The following RNMT variants were observed in gnomAD, a reference collection of about 807,000 sequenced individuals.
RNMT encodes the protein RNA guanine-7 methyltransferase.
In RNMT, 27 loss-of-function variants were observed where a neutral mutation model predicts 56.0. That is an observed-to-expected ratio of 0.48 (90% CI 0.36 to 0.67). RNMT has a LOEUF of 0.67. Among genes scored for constraint, RNMT ranks in the 30% least tolerant of loss-of-function variants. The pLI is 0.00. For synonymous variants in RNMT, 184 were observed against 176.2 expected (o/e 1.04, Z -0.35); for missense variants, 519 against 552.1 (o/e 0.94, Z 0.60).
In RNMT at chr18:13,760,067, T is replaced by C. The variant is rs1325665264; in HGVS notation, c.*88T>C. The C allele has an allele frequency of 3.9e-6, 6 of 1,537,228 alleles. No individual in the cohort carries two copies. The highest frequency in any genetic ancestry group is 4.4e-6 in the Non-Finnish European group (5 of 1,138,038). On this transcript the variant is annotated 3_prime_UTR_variant, in exon 12 of 12. Transcript: ENST00000383314. The stretch of plus-strand genomic sequence containing the variant: ...TCGATATATTTGATATTTCTCTGTC[T>C]GTTGATTTTAATTCTAAATGTGCAG...
rs2044638344 is a variant in RNMT at position 13,763,013 on chromosome 18, A to G, written c.*3034A>G. On this transcript the variant is annotated 3_prime_UTR_variant, in exon 12 of 12. Transcript: ENST00000383314. ...GCATTTGGGTTATCTCAAGCCAGTCACCACAGAGGGTCTCTAGGGTCTGCA... is the reference window on the plus strand; with the variant it reads ...GCATTTGGGTTATCTCAAGCCAGTCGCCACAGAGGGTCTCTAGGGTCTGCA... 1 of 449,780 alleles carries G rather than the reference A, an allele frequency of 2.2e-6. No homozygotes were observed. The highest frequency in any genetic ancestry group is 2.4e-5 in the Admixed American group (1 of 41,390). The allele number at this position is 449,780 out of a possible 1,614,324, so 27.9% of individuals were successfully genotyped here.
intron 1 of RNMT, among the ~76,000 whole-genome samples, chr18:13,727,204 G>T (rs948516238): frequency 2.0e-5 from 3 of 152,358 alleles, no homozygotes; most frequent in Middle Eastern, 3.4e-3. Context: ...AGCTTATCCC[G>T]CTTGGGCTTT....
Position 13,740,180 on chromosome 18 carries a change from T to A in RNMT, c.693T>A (p.Val231=), listed in dbSNP as rs770110359. The change falls in exon 6 of 12, where the codon GTT becomes GTA. Residue 231 remains valine, a synonymous_variant. Coordinates refer to ENST00000383314, the MANE Select transcript of RNMT (RefSeq NM_003799.3). ...NKLVCTDIAD[V]SVKQCQQRYE... is the part of the protein sequence containing the mutation. Reference sequence around the variant, plus strand: ...CCATCCTTCCAGATATTGCCGATGTTTCTGTCAAACAGTGTCAGCAGCGGT... The same window carrying A: ...CCATCCTTCCAGATATTGCCGATGTATCTGTCAAACAGTGTCAGCAGCGGT... The A allele has an allele frequency of 6.2e-7, 1 of 1,608,650 alleles. No individual in the cohort carries two copies. Among genetic ancestry groups the A allele is most frequent in the African/African-American group, 1.3e-5 (1 of 74,794 alleles).
rs1298020622 is a variant in RNMT, at chr18:13,760,515, T to TA, written c.*540dup. 7.1e-6 allele frequency: 7 copies of TA among 985,432 alleles called. No homozygotes were observed. Among genetic ancestry groups the TA allele is most frequent in the Non-Finnish European group, 8.4e-6 (7 of 829,612 alleles). The allele number at this position is 985,432 out of a possible 1,614,324, so 61.0% of individuals were successfully genotyped here. A position where few individuals can be genotyped will look rare whatever the true frequency, so the allele number is the denominator to read the frequency against. On this transcript the variant is annotated 3_prime_UTR_variant, in exon 12 of 12. Transcript: ENST00000383314. ...CAGATGCTCATAAAAGTTACTTAGC[T>TA]AAAATTTTAGCAATTTATTGCATTT... is the stretch of plus-strand genomic sequence containing the variant.
At position 13,760,712 on chromosome 18, in the gene RNMT, T is replaced by G; in HGVS notation, c.*733T>G. The stretch of plus-strand genomic sequence containing the variant: ...CATTTACCTTTCTTCATTGAACAAA[T>G]GGTGCCATAGTTATTTTTCTCAAAA... On this transcript the variant is annotated 3_prime_UTR_variant, in exon 12 of 12. Coordinates refer to ENST00000383314, the MANE Select transcript of RNMT (RefSeq NM_003799.3). The G allele has an allele frequency of 1.0e-6, 1 of 985,384 alleles. No individual in the cohort carries two copies. The highest frequency in any genetic ancestry group is 1.2e-6 in the Non-Finnish European group (1 of 829,848). The allele number at this position is 985,384 out of a possible 1,614,324, so 61.0% of individuals were successfully genotyped here.
At chr18:13,733,835 GTT>G (rs2044114879) in intron 3 of RNMT, among the ~76,000 whole-genome samples, 2 of 152,136 alleles carry the variant, frequency 1.3e-5, no homozygotes, top group South Asian at 4.1e-4. Context: ...AGAGTACTGG[GTT>G]TATTAAGACA....
intron 9 of RNMT, among the ~76,000 whole-genome samples, chr18:13,751,554 T>C (rs1242871477): frequency 2.0e-5 from 3 of 152,186 alleles, no homozygotes; most frequent in Non-Finnish European, 2.9e-5. Context: ...TGGAAGACAA[T>C]GTGGCGATTC....
chr18:13,734,405 G>A lies in RNMT; in HGVS notation c.418-59G>A. The A allele has an allele frequency of 4.0e-6, 6 of 1,492,378 alleles. No homozygotes were observed. In the East Asian group the frequency reaches 1.4e-4, roughly 34 times the overall value. The allele number at this position is 1,492,378 out of a possible 1,614,324, so 92.4% of individuals were successfully genotyped here. A position where few individuals can be genotyped will look rare whatever the true frequency, so the allele number is the denominator to read the frequency against. ...TATCCATTCACAGGTCAAATGTTCT[G>A]AGGCTTATTTTTACCATGTTCTGAT... is the stretch of plus-strand genomic sequence containing the variant. On this transcript the variant is annotated intron_variant, in intron 3 of 11. Coordinates refer to ENST00000383314, the MANE Select transcript of RNMT (RefSeq NM_003799.3).
intron 8 of RNMT, among the ~76,000 whole-genome samples, chr18:13,745,800 T>G (rs113606082): frequency 0.011 from 1,687 of 150,610 alleles, 16 homozygotes; most frequent in Non-Finnish European, 0.018. Context: ...CAGTTCATGA[T>G]GTAGGGGAAA....
chr18:13,742,406 C>A, intron 7 of RNMT, 82 bp from the exon 8 acceptor site: 4 of 1,279,736 alleles, frequency 3.1e-6, no homozygotes, highest in Non-Finnish European at 4.4e-6. Context: ...TGTAGTTTTT[C>A]ACATGCATAA....
At chr18:13,732,307 G>C (rs564911157) in intron 3 of RNMT, among the ~76,000 whole-genome samples, 1 of 152,072 alleles carries the variant, frequency 6.6e-6, no homozygotes, top group South Asian at 2.1e-4. Context: ...GCAGTCCTCC[G>C]GCGTTTTTAA....
intron 5 of RNMT, among the ~76,000 whole-genome samples, chr18:13,739,283 AGT>A (rs2044214952): frequency 6.6e-6 from 1 of 152,220 alleles, no homozygotes; most frequent in South Asian, 2.1e-4. Context: ...CATTTTAAAA[AGT>A]GTGTATTCAA....
chr18:13,731,522 C>G lies in RNMT; in HGVS notation c.5C>G (p.Ala2Gly). The change falls in exon 3 of 12, where the codon GCA (alanine) becomes GGA (glycine). Residue 2 changes from alanine (A) to glycine (G), a missense_variant. Transcript: ENST00000383314. Reference protein sequence around the residue: MANSAKAEEYEK... With the variant: MGNSAKAEEYEK... ...CATCAATTCAAGTAATCATAAATGG[C>G]AAATTCTGCAAAAGCAGAAGAATAT... 2 of 1,583,946 alleles carry G rather than the reference C, an allele frequency of 1.3e-6. No homozygotes were observed. Among genetic ancestry groups the G allele is most frequent in the South Asian group, 2.3e-5 (2 of 85,628 alleles).
At chr18:13,741,728 T>C (rs2044254751) in intron 7 of RNMT, 37 bp downstream of exon 7, 2 of 1,389,766 alleles carry the variant, frequency 1.4e-6, no homozygotes, top group Admixed American at 2.1e-5. Context: ...TTATAAAATA[T>C]TCAGTATTAA....
In RNMT at chr18:13,764,429, C is replaced by T. The variant is rs759789333; in HGVS notation, c.*4450C>T. The T allele has an allele frequency of 3.9e-5, 6 of 152,226 alleles. No homozygotes were observed. Among genetic ancestry groups the T allele is most frequent in the African/African-American group, 7.2e-5 (3 of 41,534 alleles). 9.4% of individuals were successfully genotyped at this position (152,226 alleles called of 1,614,324 possible). A position where few individuals can be genotyped will look rare whatever the true frequency, so the allele number is the denominator to read the frequency against. On this transcript the variant is annotated 3_prime_UTR_variant, in exon 12 of 12. Transcript: ENST00000383314. ...TATATAAATGGAATTATGCATTCTT[C>T]GTATCTGGTTTCTTTTCACCAATAT...
intron 3 of RNMT, among the ~76,000 whole-genome samples, chr18:13,733,015 C>T (rs994602736): frequency 1.3e-5 from 2 of 152,074 alleles, no homozygotes; most frequent in Admixed American, 6.5e-5. Context: ...CCCACCTCAG[C>T]CTCCCAAAGT....
chr18:13,743,579 T>C (rs1029082512), intron 8 of RNMT, among the ~76,000 whole-genome samples: 1 of 152,042 alleles, frequency 6.6e-6, no homozygotes, highest in African/African-American at 2.4e-5. Context: ...CAGGTAAGGC[T>C]TCAAGGCCTT....
rs2044640859 is a variant in RNMT, at chr18:13,763,227, A to AT, written c.*3250dup. ...ATTCCCCGCCCTCTGACAGAACAAC[A>AT]TTCCTAATTCTTTGAAGGCAACCAG... On this transcript the variant is annotated 3_prime_UTR_variant, in exon 12 of 12. Coordinates refer to ENST00000383314, the MANE Select transcript of RNMT (RefSeq NM_003799.3). 16 of 439,698 alleles carry AT rather than the reference A, an allele frequency of 3.6e-5. No homozygotes were observed. Among genetic ancestry groups the AT allele is most frequent in the South Asian group, 2.6e-4 (16 of 61,732 alleles). 27.2% of individuals were successfully genotyped at this position (439,698 alleles called of 1,614,324 possible). A position where few individuals can be genotyped will look rare whatever the true frequency, so the allele number is the denominator to read the frequency against.
At position 13,759,882 on chromosome 18, in the gene RNMT, A is replaced by G. The variant is rs1016249787; in HGVS notation, c.1394-60A>G. 6.2e-6 allele frequency: 9 copies of G among 1,440,146 alleles called. No individual in the cohort carries two copies. In the African/African-American group the frequency reaches 1.3e-4, roughly 20 times the overall value. The allele number at this position is 1,440,146 out of a possible 1,614,324, so 89.2% of individuals were successfully genotyped here. On this transcript the variant is annotated intron_variant, in intron 11 of 11. Transcript: ENST00000383314. ...ATTTTCACCAAATTATGAACAAGAC[A>G]GATTGTTTTATTTATTGTAATCATA...
Sources: gnomAD v4.1 joint callset for allele counts (sites outside exome capture counted in the v4.1 genomes callset) on GRCh38, gnomAD v4.1.1 for gene constraint, MANE v1.5 for transcripts, NCBI Gene and HGNC (gene_info 2026-07-23, HGNC 2026-07-21) for gene names.